The following TRAPPC9 variants were observed in gnomAD, a reference collection of about 807,000 sequenced individuals.
The protein encoded by TRAPPC9 is trafficking protein particle complex subunit 9.
Under a neutral mutation model 124.0 loss-of-function variants are expected in TRAPPC9, and 83 were observed. The ratio of observed to expected loss-of-function variants is 0.67; its 90% CI spans 0.56 to 0.80. The LOEUF (loss-of-function observed/expected upper bound fraction) is 0.80. TRAPPC9 is among the 30% of genes least tolerant of loss of function. The pLI is 0.00. For missense variants in TRAPPC9, 1,302 were observed against 1,508.3 expected, an observed-to-expected ratio of 0.86 and a Z score of 2.27; for synonymous variants, 638 against 617.5, an observed-to-expected ratio of 1.03 and a Z score of -0.49.
chr8:139,763,712 C>T (rs1430488776), intron 21 of TRAPPC9, among the ~76,000 whole-genome samples: 1 of 152,174 alleles, frequency 6.6e-6, no homozygotes, highest in Non-Finnish European at 1.5e-5. Context: ...TGCTGGTAAG[C>T]GGGGACAGGA....
At chr8:140,294,332 C>T (rs182371212) in intron 11 of TRAPPC9, among the ~76,000 whole-genome samples, 14 of 152,212 alleles carry the variant, frequency 9.2e-5, no homozygotes, top group African/African-American at 3.4e-4. Flanking sequence ...CGCCTGACCC[C>T]GCCTCACCCA....
rs959117997 is a variant in TRAPPC9 at position 139,776,765 on chromosome 8, T to C, written c.3056-44563A>G. On this transcript the variant is annotated intron_variant, in intron 21 of 22. Transcript: ENST00000438773. This position sits in a 1 kb window ranked among gnomAD's most constrained non-coding sequence, Gnocchi z 4.1. ...AGCTAACAAAAGGAATGATAAATCT[T>C]ACCTGGGAAACGACTGCATAAGAAG... is the stretch of plus-strand genomic sequence containing the variant. Among the ~76,000 whole-genome samples the C allele has an allele frequency of 4.6e-5, 7 of 152,146 alleles. No individual in the cohort carries two copies. Among genetic ancestry groups the C allele is most frequent in the African/African-American group, 1.7e-4 (7 of 41,432 alleles).
chr8:139,775,866 C>T (rs138901371), intron 21 of TRAPPC9, among the ~76,000 whole-genome samples: 327 of 152,316 alleles, frequency 2.1e-3, no homozygotes, highest in African/African-American at 7.4e-3. Flanking sequence ...CTCAAAGTGC[C>T]GTGTGCCTGG....
intron 20 of TRAPPC9, among the ~76,000 whole-genome samples, chr8:139,909,616 G>A (rs1356670666): frequency 6.6e-6 from 1 of 152,254 alleles, no homozygotes; most frequent in African/African-American, 2.4e-5. Flanking sequence ...TCAGTCAGTG[G>A]AGTGTCTGCA....
At chr8:140,147,137 C>T (rs1258729365) in intron 17 of TRAPPC9, among the ~76,000 whole-genome samples, 4 of 152,220 alleles carry the variant, frequency 2.6e-5, no homozygotes, top group African/African-American at 9.7e-5. Context: ...CATTGAACAG[C>T]CAAATACCCA....
At chr8:140,120,276 T>A (rs1297260704) in intron 17 of TRAPPC9, among the ~76,000 whole-genome samples, 1 of 152,124 alleles carries the variant, frequency 6.6e-6, no homozygotes, top group Non-Finnish European at 1.5e-5. Flanking sequence ...TTTTCCTTAT[T>A]TACCAGAAAA....
At chr8:140,272,130 C>CGATGATGATGGTGGCGATGGTGATGGT (rs2064930084) in intron 15 of TRAPPC9, among the ~76,000 whole-genome samples, 14 of 100,382 alleles carry the variant, frequency 1.4e-4, no homozygotes, top group African/African-American at 4.5e-4. Context: ...GTGATGGTGG[C>CGATGATGATGGTGGCGATGGTGATGGT]GATGGTGATG....
chr8:140,047,188 CG>C (rs1415199574), intron 17 of TRAPPC9, among the ~76,000 whole-genome samples: 1 of 152,222 alleles, frequency 6.6e-6, no homozygotes, highest in Non-Finnish European at 1.5e-5. Flanking sequence ...GACTCCAGGG[CG>C]GATGGTCACC....
intron 21 of TRAPPC9, among the ~76,000 whole-genome samples, chr8:139,852,734 T>C (rs1185455370): frequency 6.6e-6 from 1 of 152,244 alleles, no homozygotes; most frequent in East Asian, 1.9e-4. Context: ...GTCTCTGTTC[T>C]ATGAGGTTAC....
rs1256035355 is a variant in TRAPPC9, at chr8:140,216,979, G to A, written c.2556+4480C>T. On this transcript the variant is annotated intron_variant, in intron 17 of 22. Transcript: ENST00000438773. This position sits in a 1 kb window ranked among gnomAD's most constrained non-coding sequence, Gnocchi z 4.1. ...ATCACACGGCACGCTGCTTAACACGGTCCTCAGTGGACAAGGCTGAGTTAC... is the reference window on the plus strand; with the variant it reads ...ATCACACGGCACGCTGCTTAACACGATCCTCAGTGGACAAGGCTGAGTTAC... 6.6e-6 allele frequency among the ~76,000 whole-genome samples: 1 copy of A among 152,132 alleles called. No homozygotes were observed. The highest frequency in any genetic ancestry group is 2.4e-5 in the African/African-American group (1 of 41,416).
Position 140,104,230 on chromosome 8 carries a change from T to A in TRAPPC9, c.2557-80151A>T, listed in dbSNP as rs1249501578. The stretch of plus-strand genomic sequence containing the variant: ...ATGCCAGGGCTGTCGGCTGTAAGCA[T>A]AGAGCTATGGAGCCAGATGAAAGAC... On this transcript the variant is annotated intron_variant, in intron 17 of 22. Coordinates refer to ENST00000438773, the MANE Select transcript of TRAPPC9 (RefSeq NM_001160372.4). The surrounding 1 kb of genome is among the most constrained non-coding windows in gnomAD (Gnocchi z 4.0). Among the ~76,000 whole-genome samples the A allele has an allele frequency of 6.6e-6, 1 of 152,112 alleles. No individual in the cohort carries two copies. The highest frequency in any genetic ancestry group is 1.5e-5 in the Non-Finnish European group (1 of 68,028).
chr8:140,163,079 C>A (rs2061777571), intron 17 of TRAPPC9, among the ~76,000 whole-genome samples: 1 of 152,080 alleles, frequency 6.6e-6, no homozygotes, highest in Non-Finnish European at 1.5e-5. Flanking sequence ...AAACATAGTC[C>A]ACACTCTTTC....
chr8:140,086,233 A>C (rs1324918051), intron 17 of TRAPPC9, among the ~76,000 whole-genome samples: 1 of 152,142 alleles, frequency 6.6e-6, no homozygotes, highest in Non-Finnish European at 1.5e-5. Flanking sequence ...AGGATCCCAG[A>C]GTATGGAGGA....
At chr8:140,061,550 T>C (rs1330387395) in intron 17 of TRAPPC9, among the ~76,000 whole-genome samples, 1 of 152,076 alleles carries the variant, frequency 6.6e-6, no homozygotes, top group Non-Finnish European at 1.5e-5. Flanking sequence ...CCACAGAGCC[T>C]TGAACAAAGG....
chr8:139,752,839 A>G (rs1283780107), intron 21 of TRAPPC9, among the ~76,000 whole-genome samples: 3 of 147,414 alleles, frequency 2.0e-5, no homozygotes, highest in Non-Finnish European at 3.0e-5. Flanking sequence ...CTACCCATCT[A>G]CCATCCATCC....
chr8:139,948,206 G>A (rs1023441802), intron 19 of TRAPPC9, among the ~76,000 whole-genome samples: 6 of 150,558 alleles, frequency 4.0e-5, no homozygotes, highest in Middle Eastern at 3.4e-3. Context: ...CGAACAAAAC[G>A]AAGAGCCCTC....
chr8:140,418,670 G>T (rs1268412871), intron 5 of TRAPPC9, among the ~76,000 whole-genome samples: 1 of 152,018 alleles, frequency 6.6e-6, no homozygotes, highest in South Asian at 2.1e-4. Flanking sequence ...GCAGTGAGCC[G>T]AGATATGCAA....
intron 11 of TRAPPC9, among the ~76,000 whole-genome samples, chr8:140,297,013 G>A (rs4374966): frequency 0.033 from 5,033 of 152,272 alleles, 278 homozygotes; most frequent in African/African-American, 0.11. Context: ...CACGGAGCTC[G>A]GAAGACGCCC....
chr8:140,183,118 A>T (rs1047886462), intron 17 of TRAPPC9, among the ~76,000 whole-genome samples: 3 of 152,150 alleles, frequency 2.0e-5, no homozygotes, highest in African/African-American at 7.2e-5. Context: ...TCAGGGACAC[A>T]ATGATGTCTT....
Sources: allele counts gnomAD v4.1 joint callset (sites outside exome capture counted in the v4.1 genomes callset), GRCh38; gene constraint gnomAD v4.1.1; non-coding constraint Gnocchi (gnomAD v3.1); transcripts MANE v1.5; gene names NCBI Gene and HGNC (gene_info 2026-07-23, HGNC 2026-07-21).